TTN: variants seen among roughly 807,000 people sequenced by gnomAD.
TTN encodes titin.
In TTN, 1,525 loss-of-function variants were observed where a neutral mutation model predicts 3,223.0. That is an observed-to-expected ratio of 0.47 (90% CI 0.45 to 0.49). The LOEUF (loss-of-function observed/expected upper bound fraction) is 0.49. Ranked by LOEUF, TTN falls within the 20% of genes least tolerant of loss-of-function variation. TTN has a pLI of 0.00. For synonymous variants in TTN, 14,094 were observed against 15,161.0 expected (o/e 0.93, Z 5.17); for missense variants, 40,786 against 43,424.0 (o/e 0.94, Z 5.40).
intron 244 of TTN, 40 bp from the exon 245 acceptor site, chr2:178,621,781 C>T (rs1330095253): frequency 1.9e-6 from 3 of 1,608,430 alleles, no homozygotes; most frequent in African/African-American, 2.7e-5. Flanking sequence ...TTGAGTTAAG[C>T]TGGAAATTAT....
Position 178,580,007 on chromosome 2 carries a change from C to T in TTN, c.67280G>A (p.Arg22427Gln), listed in dbSNP as rs770566210. The T allele has an allele frequency of 1.1e-5, 17 of 1,613,192 alleles. No homozygotes were observed. The highest frequency in any genetic ancestry group is 4.0e-5 in the African/African-American group (3 of 74,874). ...GCCATACTCATTTTCAGCAAACACT[C>T]GGAAGAAGTAGGATTTTCCCTCCTC... ...NLEEGKSYFF[R>Q]VFAENEYGIG... The change falls in exon 318 of 363, where the codon CGA becomes CAA. Residue 22427 changes from arginine to glutamine, a missense_variant. Transcript: ENST00000589042.
chr2:178,573,674 G>C lies in TTN; in HGVS notation c.72458C>G (p.Ala24153Gly). Residue 24153 changes from alanine to glycine, a missense_variant, in exon 326 of 363, where the codon GCC (alanine) becomes GGC (glycine). Transcript: ENST00000589042. ...SWFPPLDDGG[A>G]KIDHYIVQKR... ...CTGTACTATGTAATGATCAATTTTG[G>C]CACCTCCATCATCCAGTGGAGGGAA... 6.6e-7 allele frequency: 1 copy of C among 1,515,552 alleles called. No homozygotes were observed. The highest frequency in any genetic ancestry group is 1.4e-5 in the South Asian group (1 of 72,972). The allele number at this position is 1,515,552 out of a possible 1,614,324, so 93.9% of individuals were successfully genotyped here.
chr2:178,619,633 G>A lies in TTN; in HGVS notation c.46684C>T (p.Leu15562Phe), dbSNP rs755020461. Reference sequence around the variant, plus strand: ...TAAAGGGACTGACCTGCCAGTTCAAGCTTAGCTCTGGCTTCTTTGTCTTTG... The same window carrying A: ...TAAAGGGACTGACCTGCCAGTTCAAACTTAGCTCTGGCTTCTTTGTCTTTG... ...IAKDKEARAK[L>F]ELAAAPKIKT... The change falls in exon 250 of 363, where the codon CTT becomes TTT. Residue 15562 changes from leucine (L) to phenylalanine (F), a missense_variant. Transcript: ENST00000589042. 5 of 1,611,600 alleles carry A rather than the reference G, an allele frequency of 3.1e-6. No homozygotes were observed. Among genetic ancestry groups the A allele is most frequent in the Non-Finnish European group, 4.2e-6 (5 of 1,178,664 alleles).
chr2:178,531,892 A>G lies in TTN; in HGVS notation c.104723T>C (p.Phe34908Ser). ...RFERSARFDI[F>S]SRYESMKAAL... ...AGCTTTCATGGACTCATACCTGGAAAAGATATCAAATCTTGCAGACCTCTC... is the reference window on the plus strand; with the variant it reads ...AGCTTTCATGGACTCATACCTGGAAGAGATATCAAATCTTGCAGACCTCTC... The change falls in exon 358 of 363, where the codon TTT (phenylalanine) becomes TCT (serine). Residue 34908 changes from phenylalanine to serine, a missense_variant. Transcript: ENST00000589042. 1 of 1,612,792 alleles carries G rather than the reference A, an allele frequency of 6.2e-7. No individual in the cohort carries two copies. The highest frequency in any genetic ancestry group is 8.5e-7 in the Non-Finnish European group (1 of 1,179,248).
Position 178,597,602 on chromosome 2 carries a change from G to C in TTN, c.57480C>G (p.Val19160=), listed in dbSNP as rs2052059279. Reference sequence around the variant, plus strand: ...CTTCATTTTTGGCAAGAAGAGAATAGACGCCTTGATGGCTCCTCTGGCAGT... The same window carrying C: ...CTTCATTTTTGGCAAGAAGAGAATACACGCCTTGATGGCTCCTCTGGCAGT... The part of the protein sequence containing the change: ...IKNCQRSHQG[V]YSLLAKNEAG... Residue 19160 remains valine, a synonymous_variant, in exon 294 of 363, where the codon GTC becomes GTG. Coordinates refer to ENST00000589042, the MANE Select transcript of TTN (RefSeq NM_001267550.2). The C allele has an allele frequency of 6.2e-7, 1 of 1,613,002 alleles. No homozygotes were observed.
intron 159 of TTN, among the ~76,000 whole-genome samples, chr2:178,669,168 G>A (rs1331947406): frequency 6.6e-6 from 1 of 152,118 alleles, no homozygotes; most frequent in Non-Finnish European, 1.5e-5. Flanking sequence ...ACTCTGATAA[G>A]TAGAGTATTT....
At chr2:178,743,619 C>T (rs1347857528) in intron 47 of TTN, among the ~76,000 whole-genome samples, 1 of 151,990 alleles carries the variant, frequency 6.6e-6, no homozygotes, top group South Asian at 2.1e-4. Context: ...CTATTTCTCT[C>T]TTTCTCTTTT....
In TTN at chr2:178,770,603, A is replaced by G; in HGVS notation, c.8189T>C (p.Leu2730Pro). The G allele has an allele frequency of 6.2e-7, 1 of 1,614,132 alleles. No homozygotes were observed. Among genetic ancestry groups the G allele is most frequent in the Non-Finnish European group, 8.5e-7 (1 of 1,180,014 alleles). ...GACACCTTTGACATTAGGGTGTGTAAGCTCGACAGTGAAAACAGCATCCTG... is the reference window on the plus strand; with the variant it reads ...GACACCTTTGACATTAGGGTGTGTAGGCTCGACAGTGAAAACAGCATCCTG... ...ETQDAVFTVE[L>P]THPNVKGVQW... Residue 2730 changes from leucine (L) to proline (P), a missense_variant, in exon 35 of 363, where the codon CTT (leucine) becomes CCT (proline). By Grantham distance (98) the Leu-to-Pro change is moderately conservative (BLOSUM62 -3). Transcript: ENST00000589042.
At chr2:178,689,943 T>C (rs750393896) in intron 121 of TTN, 47 bp from the exon 122 acceptor site, 33 of 1,526,470 alleles carry the variant, frequency 2.2e-5, no homozygotes, top group Non-Finnish European at 2.7e-5. Flanking sequence ...ATATCACTTT[T>C]ATGAAAGAAC....
At chr2:178,762,732 C>A (rs959127655) in intron 43 of TTN, among the ~76,000 whole-genome samples, 2 of 152,150 alleles carry the variant, frequency 1.3e-5, no homozygotes, top group Non-Finnish European at 2.9e-5. Flanking sequence ...TTCTTGAACA[C>A]TATCCCTCAA....
At position 178,650,806 on chromosome 2, in the gene TTN, C is replaced by T. The variant is rs746712914; in HGVS notation, c.39654G>A (p.Leu13218=). The T allele has an allele frequency of 1.2e-6, 2 of 1,607,328 alleles. No homozygotes were observed. Among genetic ancestry groups the T allele is most frequent in the Non-Finnish European group, 8.5e-7 (1 of 1,176,766 alleles). ...GAACAGGAACAGCTGGTTTCTCTTC[C>T]AAGACAGGTTTCTTTGGCACTTCTG... ...KVPEVPKKPV[L]EEKPAVPVPE... Residue 13218 remains leucine (L), a synonymous_variant, in exon 209 of 363, where the codon TTG becomes TTA. Transcript: ENST00000589042.
chr2:178,776,942 G>A lies in TTN; in HGVS notation c.4922C>T (p.Thr1641Ile), dbSNP rs775394529. The A allele has an allele frequency of 7.4e-6, 12 of 1,613,626 alleles. No homozygotes were observed. Among genetic ancestry groups the A allele is most frequent in the Admixed American group, 1.7e-5 (1 of 59,936 alleles). Residue 1641 changes from threonine (T) to isoleucine (I), a missense_variant, in exon 28 of 363, where the codon ACA becomes ATA. Physicochemically the swap from Thr to Ile is moderately conservative, Grantham distance 89. Coordinates refer to ENST00000589042, the MANE Select transcript of TTN (RefSeq NM_001267550.2). Reference sequence around the variant, plus strand: ...AACTTCAACATTTACTTTGCATCTTGTAGTGTCTCTGCCAGCTTTATTAAT... The same window carrying A: ...AACTTCAACATTTACTTTGCATCTTATAGTGTCTCTGCCAGCTTTATTAAT... The part of the protein sequence containing the change: ...TAINKAGRDT[T>I]RCKVNVEVEF...
chr2:178,730,016 A>G, intron 62 of TTN, 71 bp from the exon 63 acceptor site: 1 of 1,596,476 alleles, frequency 6.3e-7, no homozygotes. Context: ...CTGCTGTCTT[A>G]AGCGTCCCCC....
Position 178,542,348 on chromosome 2 carries a change from A to C in TTN, c.97408T>G (p.Tyr32470Asp), listed in dbSNP as rs766707276. 4 of 1,613,434 alleles carry C rather than the reference A, an allele frequency of 2.5e-6. No individual in the cohort carries two copies. Among genetic ancestry groups the C allele is most frequent in the Non-Finnish European group, 3.4e-6 (4 of 1,179,656 alleles). ...TTTGTTGCAGCCACACGGAACACATACTCATTTCCTTCGGTGAGTCTGGTA... is the reference window on the plus strand; with the variant it reads ...TTTGTTGCAGCCACACGGAACACATCCTCATTTCCTTCGGTGAGTCTGGTA... ...KFTRLTEGNE[Y>D]VFRVAATNRF... The change falls in exon 349 of 363, where the codon TAT (tyrosine) becomes GAT (aspartate). Residue 32470 changes from tyrosine (Y) to aspartate (D), a missense_variant. By Grantham distance (160) the Tyr-to-Asp change is radical (BLOSUM62 -3). Transcript: ENST00000589042.
chr2:178,725,139 G>C (rs1299523979), intron 71 of TTN: 1 of 411,088 alleles, frequency 2.4e-6, no homozygotes, highest in Non-Finnish European at 4.2e-6. Context: ...TCTGCTAATT[G>C]ATATAGACAG....
chr2:178,776,965 A>G lies in TTN; in HGVS notation c.4899T>C (p.Ile1633=). ...TTGTAGTGTCTCTGCCAGCTTTATT[A>G]ATAGCAGTCGCAGTATACCAGGCAG... ...QDSAWYTATA[I]NKAGRDTTRC... is the part of the protein sequence containing the mutation. The change falls in exon 28 of 363, where the codon ATT becomes ATC. Residue 1633 remains isoleucine, a synonymous_variant. Coordinates refer to ENST00000589042, the MANE Select transcript of TTN (RefSeq NM_001267550.2). 6.2e-7 allele frequency: 1 copy of G among 1,613,936 alleles called. No individual in the cohort carries two copies. The highest frequency in any genetic ancestry group is 8.5e-7 in the Non-Finnish European group (1 of 1,179,966).
Position 178,740,870 on chromosome 2 carries a change from G to A in TTN, c.12363C>T (p.Asp4121=). Residue 4121 remains aspartate, a synonymous_variant, in exon 48 of 363, where the codon GAC becomes GAT. Coordinates refer to ENST00000589042, the MANE Select transcript of TTN (RefSeq NM_001267550.2). ...CCCTGGTGCTTTCAGGAGTGAGCTT[G>A]TCTTGCTCCAAAATGGATTGCAATT... ...AQELQSILEQ[D]KLTPESTREF... 1 of 1,613,880 alleles carries A rather than the reference G, an allele frequency of 6.2e-7. No homozygotes were observed. Among genetic ancestry groups the A allele is most frequent in the Non-Finnish European group, 8.5e-7 (1 of 1,179,820 alleles).
Position 178,573,583 on chromosome 2 carries a change from C to G in TTN, c.72549G>C (p.Lys24183Asn). ...VASEVQVTKLKVTKLLKGNEY... is the reference protein window; with the variant it reads ...VASEVQVTKLNVTKLLKGNEY... ...CATTGCCTTTCAAGAGTTTAGTGAC[C>G]TTTAGCTTTGTTACTTGGACTTCTG... The change falls in exon 326 of 363, where the codon AAG becomes AAC. Residue 24183 changes from lysine to asparagine, a missense_variant. Transcript: ENST00000589042. 6.7e-7 allele frequency: 1 copy of G among 1,497,792 alleles called. No homozygotes were observed. The highest frequency in any genetic ancestry group is 8.9e-7 in the Non-Finnish European group (1 of 1,126,146). The allele number at this position is 1,497,792 out of a possible 1,614,324, so 92.8% of individuals were successfully genotyped here.
chr2:178,745,023 A>G, intron 47 of TTN: 1 of 986,370 alleles, frequency 1.0e-6, no homozygotes, highest in Non-Finnish European at 1.2e-6. Context: ...TTGAAATGTC[A>G]AACAGATTAT....
Sources: allele counts gnomAD v4.1 joint callset (sites outside exome capture counted in the v4.1 genomes callset), GRCh38; gene constraint gnomAD v4.1.1; transcripts MANE v1.5; gene names NCBI Gene and HGNC (gene_info 2026-07-23, HGNC 2026-07-21).